OSMR: variants seen among roughly 807,000 people sequenced by gnomAD.
The protein encoded by OSMR is oncostatin M receptor, also known as oncostatin-M-specific receptor subunit beta.
In OSMR, 81 loss-of-function variants were observed where a neutral mutation model predicts 99.9. That is an observed-to-expected ratio of 0.81 (90% confidence interval 0.68 to 0.97). The LOEUF (loss-of-function observed/expected upper bound fraction) is 0.97, where lower values mean the gene tolerates loss of function less well. OSMR is among the 50% of genes least tolerant of loss of function. OSMR has a pLI of 0.00. For synonymous variants in OSMR, 406 were observed against 410.4 expected (o/e 0.99, Z 0.13); for missense variants, 1,099 against 1,153.4 (o/e 0.95, Z 0.68).
chr5:38,894,738 A>G (rs1744385900), intron 7 of OSMR, among the ~76,000 whole-genome samples: 1 of 152,124 alleles, frequency 6.6e-6, no homozygotes. Context: ...GACTTAGATA[A>G]GCACACAACC....
rs192111831 is a variant in OSMR, at chr5:38,907,545, T to C, written c.1285+3042T>C. The stretch of plus-strand genomic sequence containing the variant: ...GAGGAGAATGGTCTTACCCATGAGA[T>C]GGGGCCAGTCCAATCTGAGTGATCC... On this transcript the variant is annotated intron_variant, in intron 9 of 17. Coordinates refer to ENST00000274276, the MANE Select transcript of OSMR (RefSeq NM_003999.3). 3.7e-3 allele frequency among the ~76,000 whole-genome samples: 565 copies of C among 152,266 alleles called. 1 individual carries two copies. Among genetic ancestry groups the C allele is most frequent in the Non-Finnish European group, 6.1e-3 (416 of 68,022 alleles).
rs1157742865 is a variant in OSMR at position 38,935,274 on chromosome 5, GAAACAAGTAGCC to G, written c.*1832_*1843del. ...ACTGTGCCATTCAACACTATGAAGAGAAACAAGTAGCCACACCTCAAAATAATGTGGCTGTCA... is the reference window on the plus strand; with the variant it reads ...ACTGTGCCATTCAACACTATGAAGAGACACCTCAAAATAATGTGGCTGTCA... On this transcript the variant is annotated 3_prime_UTR_variant, in exon 18 of 18. Transcript: ENST00000274276. 1.3e-5 allele frequency: 2 copies of G among 149,932 alleles called. No homozygotes were observed. The highest frequency in any genetic ancestry group is 5.0e-5 in the African/African-American group (2 of 40,276). 9.3% of individuals were successfully genotyped at this position (149,932 alleles called of 1,614,324 possible). A position where few individuals can be genotyped will look rare whatever the true frequency, so the allele number is the denominator to read the frequency against.
intron 1 of OSMR, among the ~76,000 whole-genome samples, chr5:38,861,544 C>T (rs748512585): frequency 7.9e-5 from 12 of 152,354 alleles, no homozygotes; most frequent in South Asian, 4.1e-4. Flanking sequence ...CGCAACCATC[C>T]GATTTCTCAA....
intron 7 of OSMR, among the ~76,000 whole-genome samples, chr5:38,891,977 T>C (rs1391438378): frequency 6.6e-6 from 1 of 152,086 alleles, no homozygotes; most frequent in Non-Finnish European, 1.5e-5. Flanking sequence ...GCAAGGCTCA[T>C]GGCTTGGGCT....
intron 1 of OSMR, among the ~76,000 whole-genome samples, chr5:38,866,787 T>G (rs1741984372): frequency 6.6e-6 from 1 of 152,006 alleles, no homozygotes; most frequent in Non-Finnish European, 1.5e-5. Flanking sequence ...TCCAGAGAGC[T>G]CCCTATGCTA....
rs80070599 is a variant in OSMR, at chr5:38,859,157, T to C, written c.-13-9875T>C. 1.4e-3 allele frequency among the ~76,000 whole-genome samples: 219 copies of C among 152,340 alleles called. 1 individual carries two copies. Among genetic ancestry groups the C allele is most frequent in the African/African-American group, 5.1e-3 (212 of 41,592 alleles). ...TTTGTTTCCTGTGCTTTTGAAGTCT[T>C]AGTGATAAAATTGTTGCCTTGACCA... On this transcript the variant is annotated intron_variant, in intron 1 of 17. Transcript: ENST00000274276.
Position 38,921,699 on chromosome 5 carries a change from A to G in OSMR, c.1670A>G (p.Tyr557Cys), listed in dbSNP as rs1746243221. The change falls in exon 12 of 18, where the codon TAT becomes TGT. Residue 557 changes from tyrosine (Y) to cysteine (C), a missense_variant. Transcript: ENST00000274276. ...CCCCAACCTGGAGATGTTATAGGCT[A>G]TGTTGTGGACTGGTGTGACCATACC... Reference protein sequence around the residue: ...WKPQPGDVIGYVVDWCDHTQD... With the variant: ...WKPQPGDVIGCVVDWCDHTQD... The G allele has an allele frequency of 3.1e-6, 5 of 1,614,202 alleles. No individual in the cohort carries two copies. The East Asian group carries it at 1.1e-4, about 36-fold the overall frequency.
intron 7 of OSMR, 123 bp from the exon 8 acceptor site, chr5:38,903,759 A>G (rs1300910032): frequency 2.7e-6 from 4 of 1,498,286 alleles, no homozygotes; most frequent in African/African-American, 2.8e-5. Flanking sequence ...CTTGTTTGTC[A>G]TGTTCTCAAA....
At chr5:38,929,353 G>C (rs1746616020) in intron 15 of OSMR, among the ~76,000 whole-genome samples, 1 of 152,138 alleles carries the variant, frequency 6.6e-6, no homozygotes, top group Non-Finnish European at 1.5e-5. Flanking sequence ...GACAGAGAGG[G>C]TAAACAGTTT....
chr5:38,921,815 C>T, intron 12 of OSMR, 21 bp downstream of exon 12: 1 of 1,573,736 alleles, frequency 6.4e-7, no homozygotes, highest in Non-Finnish European at 8.7e-7. Flanking sequence ...GCTTCCATAT[C>T]ATCGCATTGC....
intron 9 of OSMR, among the ~76,000 whole-genome samples, chr5:38,905,455 T>A (rs954358427): frequency 1.3e-5 from 2 of 150,650 alleles, no homozygotes; most frequent in Non-Finnish European, 3.0e-5. Flanking sequence ...GCCACTGCAC[T>A]CCAGCCTGGG....
intron 7 of OSMR, among the ~76,000 whole-genome samples, chr5:38,888,877 A>G (rs1389493727): frequency 6.6e-6 from 1 of 152,168 alleles, no homozygotes; most frequent in Non-Finnish European, 1.5e-5. Flanking sequence ...AGTCCCCTGA[A>G]TTTTTGAATG....
At chr5:38,888,986 A>G (rs1400384733) in intron 7 of OSMR, among the ~76,000 whole-genome samples, 1 of 152,046 alleles carries the variant, frequency 6.6e-6, no homozygotes, top group Non-Finnish European at 1.5e-5. Context: ...CGTGAATTTT[A>G]TTGTTGCATT....
chr5:38,876,111 A>G, intron 2 of OSMR, 90 bp from the exon 3 acceptor site: 3 of 1,558,776 alleles, frequency 1.9e-6, no homozygotes, highest in Non-Finnish European at 2.6e-6. Context: ...TCCAGAGCTA[A>G]ATAATGATGA....
At chr5:38,940,153 A>AAAAAAAAC (rs1554057795), downstream of OSMR, 1 of 228,870 alleles carries the variant, frequency 4.4e-6, no homozygotes, top group African/African-American at 2.2e-5. Context: ...CAAAAAAAAA[A>AAAAAAAAC]ACACAAAACA....
At chr5:38,850,665 A>T (rs960212033) in intron 1 of OSMR, among the ~76,000 whole-genome samples, 4 of 152,264 alleles carry the variant, frequency 2.6e-5, no homozygotes, top group African/African-American at 7.2e-5. Context: ...GGAAAAATGT[A>T]AGACAAAATA....
At chr5:38,932,722 GT>G in intron 17 of OSMR, 149 bp from the exon 18 acceptor site, 1 of 1,511,954 alleles carries the variant, frequency 6.6e-7, no homozygotes, top group Non-Finnish European at 8.8e-7. Context: ...AAATCTTTTG[GT>G]TTTCAACATC....
intron 9 of OSMR, among the ~76,000 whole-genome samples, chr5:38,913,481 C>T (rs1247834599): frequency 1.3e-5 from 2 of 150,134 alleles, no homozygotes; most frequent in Admixed American, 6.7e-5. Context: ...ACCCAGGAGG[C>T]GGAGCTTGCA....
chr5:38,882,881 C>T (rs1195464712), intron 4 of OSMR, among the ~76,000 whole-genome samples: 1 of 152,182 alleles, frequency 6.6e-6, no homozygotes, highest in Non-Finnish European at 1.5e-5. Context: ...GTTAAAGAAG[C>T]CATGCAAGGT....
Sources: gnomAD v4.1 joint callset for allele counts (sites outside exome capture counted in the v4.1 genomes callset) on GRCh38, gnomAD v4.1.1 for gene constraint, MANE v1.5 for transcripts, NCBI Gene and HGNC (gene_info 2026-07-23, HGNC 2026-07-21) for gene names.